Variants in PMEPA1 observed in about 807,000 individuals in gnomAD.
The protein encoded by PMEPA1 is protein TMEPAI.
In PMEPA1, 11 loss-of-function variants were observed where a neutral mutation model predicts 23.0. The ratio of observed to expected loss-of-function variants is 0.48; its 90% CI spans 0.30 to 0.79. PMEPA1 has a LOEUF of 0.79. Ranked by LOEUF, PMEPA1 falls within the 30% of genes least tolerant of loss-of-function variation. The probability of loss-of-function intolerance (pLI) is 0.06; values close to 1 mark genes in which losing one functional copy is unlikely to be tolerated. For synonymous variants in PMEPA1, 204 were observed against 166.4 expected (o/e 1.23, Z -1.74); for missense variants, 377 against 390.9 (o/e 0.96, Z 0.30).
At chr20:57,676,627 C>T (rs528137102) in intron 1 of PMEPA1, among the ~76,000 whole-genome samples, 8 of 152,352 alleles carry the variant, frequency 5.3e-5, no homozygotes, top group African/African-American at 9.6e-5. Flanking sequence ...TGGGAGCTCA[C>T]GGTCCAGCTG....
intron 1 of PMEPA1, among the ~76,000 whole-genome samples, chr20:57,667,088 A>AT (rs1331175074): frequency 1.3e-5 from 2 of 152,198 alleles, no homozygotes; most frequent in African/African-American, 4.8e-5. Flanking sequence ...TGGAGTGAAG[A>AT]TGGTGGCTCC....
At chr20:57,685,044 G>C (rs1486823958) in intron 1 of PMEPA1, among the ~76,000 whole-genome samples, 1 of 152,126 alleles carries the variant, frequency 6.6e-6, no homozygotes, top group Non-Finnish European at 1.5e-5. Context: ...AAAGGGGGCT[G>C]GGTGGTCAAA....
intron 1 of PMEPA1, among the ~76,000 whole-genome samples, chr20:57,707,510 A>G (rs932793305): frequency 2.6e-5 from 4 of 152,336 alleles, no homozygotes; most frequent in African/African-American, 9.6e-5. Flanking sequence ...AAGGGTCCCA[A>G]TCACTCAAAG....
At chr20:57,673,564 A>G (rs1162305149) in intron 1 of PMEPA1, among the ~76,000 whole-genome samples, 1 of 151,898 alleles carries the variant, frequency 6.6e-6, no homozygotes, top group Non-Finnish European at 1.5e-5. Flanking sequence ...TAACCCTCAA[A>G]GCCCAGGGCT....
chr20:57,695,692 C>A (rs73298666), intron 1 of PMEPA1, among the ~76,000 whole-genome samples: 1 of 152,178 alleles, frequency 6.6e-6, no homozygotes, highest in Non-Finnish European at 1.5e-5. Context: ...CTGATTAGCA[C>A]CAGAAGGATT....
intron 1 of PMEPA1, among the ~76,000 whole-genome samples, chr20:57,671,094 C>T (rs927807516): frequency 6.6e-6 from 1 of 152,234 alleles, no homozygotes; most frequent in East Asian, 1.9e-4. Flanking sequence ...AAAGACAAAG[C>T]TGTGCCTTTT....
intron 1 of PMEPA1, among the ~76,000 whole-genome samples, chr20:57,677,788 A>C (rs2071658428): frequency 1.3e-5 from 2 of 152,206 alleles, no homozygotes; most frequent in Admixed American, 1.3e-4. Context: ...AAAAAACTGG[A>C]AGCAATCCAG....
chr20:57,689,510 C>T (rs1305700144), intron 1 of PMEPA1, among the ~76,000 whole-genome samples: 6 of 152,210 alleles, frequency 3.9e-5, no homozygotes, highest in Non-Finnish European at 7.3e-5. Context: ...GCATCGGACC[C>T]AGCACCGGGA....
chr20:57,689,427 G>A (rs866581537), intron 1 of PMEPA1, among the ~76,000 whole-genome samples: 14 of 152,310 alleles, frequency 9.2e-5, no homozygotes, highest in East Asian at 3.9e-4. Flanking sequence ...GGAGTGGGGC[G>A]AGGTGAGGGG....
upstream of PMEPA1, chr20:57,711,094 T>C (rs1438251711): frequency 6.6e-6 from 1 of 152,224 alleles, no homozygotes; most frequent in Non-Finnish European, 1.5e-5. Flanking sequence ...GGAGCCTGTG[T>C]GCCAACCCAG....
chr20:57,709,473 C>G lies in PMEPA1; in HGVS notation c.109+1G>C, dbSNP rs2072135324. 1 of 1,122,890 alleles carries G rather than the reference C, an allele frequency of 8.9e-7. No homozygotes were observed. Among genetic ancestry groups the G allele is most frequent in the African/African-American group, 1.7e-5 (1 of 59,978 alleles). The allele number at this position is 1,122,890 out of a possible 1,614,324, so 69.6% of individuals were successfully genotyped here. A position where few individuals can be genotyped will look rare whatever the true frequency, so the allele number is the denominator to read the frequency against. On this transcript the variant is annotated splice_donor_variant, in intron 1 of 3. Transcript: ENST00000341744. LOFTEE classifies it high-confidence loss of function. ...GGGGAGGGGGGCGTGGGGTCACTCA[C>G]TGATCTCCATGCTCTGGAACAAAGA...
Position 57,709,751 on chromosome 20 carries a change from C to T in PMEPA1, c.-169G>A. On this transcript the variant is annotated 5_prime_UTR_variant, in exon 1 of 4. Coordinates refer to ENST00000341744, the MANE Select transcript of PMEPA1 (RefSeq NM_020182.5). ...GCCAAGTTCCCGGGGCGCCGCGGGG[C>T]TCAGTGCGCGGGACCGCGCTCCGCT... 5.1e-6 allele frequency: 5 copies of T among 980,176 alleles called. No homozygotes were observed. Among genetic ancestry groups the T allele is most frequent in the Non-Finnish European group, 6.0e-6 (5 of 827,692 alleles). The allele number at this position is 980,176 out of a possible 1,614,324, so 60.7% of individuals were successfully genotyped here. A position where few individuals can be genotyped will look rare whatever the true frequency, so the allele number is the denominator to read the frequency against.
In PMEPA1 at chr20:57,651,871, C is replaced by G; in HGVS notation, c.*182G>C. 1 of 364,418 alleles carries G rather than the reference C, an allele frequency of 2.7e-6. No individual in the cohort carries two copies. The highest frequency in any genetic ancestry group is 4.7e-6 in the Non-Finnish European group (1 of 211,114). The allele number at this position is 364,418 out of a possible 1,614,324, so 22.6% of individuals were successfully genotyped here. ...TCTTTTTTCTTTTTTTTTTTGCAAG[C>G]TCTCTTAGCTTGTGCATTCAGACCA... On this transcript the variant is annotated 3_prime_UTR_variant, in exon 4 of 4. Transcript: ENST00000341744.
rs56747812 is a variant in PMEPA1 at position 57,683,547 on chromosome 20, C to CTGTGTGTG, written c.110-23851_110-23850insCACACACA. Among the ~76,000 whole-genome samples the CTGTGTGTG allele has an allele frequency of 0.099, 13,816 of 138,936 alleles. 964 individuals carry two copies. The highest frequency in any genetic ancestry group is 0.23 in the African/African-American group (7,709 of 33,218). The allele number at this position is 138,936 out of a possible 152,430, so 91.1% of individuals were successfully genotyped here. A position where few individuals can be genotyped will look rare whatever the true frequency, so the allele number is the denominator to read the frequency against. On this transcript the variant is annotated intron_variant, in intron 1 of 3. Transcript: ENST00000341744. The surrounding 1 kb of genome is among the most constrained non-coding windows in gnomAD (Gnocchi z 4.3). ...ACTAACTCGGTGGTGGTGTTCTGGC[C>CTGTGTGTG]TGTGTGCGTGTGTGTGTGTGTGTGT...
At chr20:57,653,216 G>T in intron 2 of PMEPA1, 130 bp from the exon 3 acceptor site, 1 of 759,660 alleles carries the variant, frequency 1.3e-6, no homozygotes, top group Non-Finnish European at 2.3e-6. Context: ...TCTCTGCATC[G>T]GAACCAGCTT....
At chr20:57,677,789 A>G (rs2071658455) in intron 1 of PMEPA1, among the ~76,000 whole-genome samples, 1 of 152,224 alleles carries the variant, frequency 6.6e-6, no homozygotes, top group South Asian at 2.1e-4. Flanking sequence ...AAAAACTGGA[A>G]GCAATCCAGA....
At chr20:57,657,720 T>C (rs571436912) in intron 2 of PMEPA1, among the ~76,000 whole-genome samples, 256 of 152,314 alleles carry the variant, frequency 1.7e-3, no homozygotes, top group Non-Finnish European at 3.2e-3. Context: ...TGTCCAGACC[T>C]GCCAGGGACA....
intron 1 of PMEPA1, among the ~76,000 whole-genome samples, chr20:57,678,897 A>G (rs1464034141): frequency 6.6e-6 from 1 of 151,936 alleles, no homozygotes; most frequent in East Asian, 1.9e-4. Context: ...GGATGTCCCA[A>G]ACTACCACTG....
chr20:57,700,180 T>A (rs781725811), intron 1 of PMEPA1: 2 of 471,200 alleles, frequency 4.2e-6, no homozygotes, highest in South Asian at 1.5e-5. Flanking sequence ...TGGGAATCCA[T>A]GACAACCTGT....
Sources: allele counts gnomAD v4.1 joint callset (sites outside exome capture counted in the v4.1 genomes callset), GRCh38; gene constraint gnomAD v4.1.1; non-coding constraint Gnocchi (gnomAD v3.1); transcripts MANE v1.5; gene names NCBI Gene and HGNC (gene_info 2026-07-23, HGNC 2026-07-21).